Variants in FTO observed in about 807,000 individuals in gnomAD.
FTO encodes FTO alpha-ketoglutarate dependent dioxygenase.
FTO carries 47 observed loss-of-function variants against 63.9 expected under a neutral mutation model. That is an observed-to-expected ratio of 0.74 (90% CI 0.58 to 0.94). The LOEUF is 0.94. Ranked by LOEUF, FTO falls within the 40% of genes least tolerant of loss-of-function variation. The probability of loss-of-function intolerance (pLI) is 0.00; values close to 1 mark genes in which losing one functional copy is unlikely to be tolerated. For synonymous variants in FTO, 207 were observed against 224.4 expected (o/e 0.92, Z 0.69); for missense variants, 562 against 618.1 (o/e 0.91, Z 0.96).
At chr16:53,927,831 A>C (rs1481611763) in intron 7 of FTO, among the ~76,000 whole-genome samples, 1 of 152,216 alleles carries the variant, frequency 6.6e-6, no homozygotes, top group Non-Finnish European at 1.5e-5. Context: ...ATATGCAAAA[A>C]GATATGCCTC....
intron 7 of FTO, among the ~76,000 whole-genome samples, chr16:53,901,134 T>C (rs1206928789): frequency 6.6e-6 from 1 of 152,238 alleles, no homozygotes; most frequent in East Asian, 1.9e-4. Context: ...TCAAGACCTG[T>C]CTGCTTTGTG....
intron 1 of FTO, among the ~76,000 whole-genome samples, chr16:53,716,078 C>T (rs1247664708): frequency 2.0e-5 from 3 of 152,084 alleles, no homozygotes; most frequent in South Asian, 4.1e-4. Flanking sequence ...AGCATGGGCG[C>T]AATAGTAAAA....
Position 54,111,952 on chromosome 16 carries a change from T to C in FTO, c.*37T>C, listed in dbSNP as rs769772672. 1 of 1,612,674 alleles carries C rather than the reference T, an allele frequency of 6.2e-7. No homozygotes were observed. Among genetic ancestry groups the C allele is most frequent in the Non-Finnish European group, 8.5e-7 (1 of 1,179,166 alleles). ...GTCTCAGGCGGAGGAGAAAAAGAGA[T>C]CGGCTTTTCTCCTCCAACGTTGTCA... On this transcript the variant is annotated 3_prime_UTR_variant, in exon 9 of 9. Coordinates refer to ENST00000471389, the MANE Select transcript of FTO (RefSeq NM_001080432.3).
At chr16:53,856,311 G>T (rs532769610) in intron 4 of FTO, among the ~76,000 whole-genome samples, 1 of 151,490 alleles carries the variant, frequency 6.6e-6, no homozygotes, top group East Asian at 1.9e-4. Flanking sequence ...TATACCTCAT[G>T]CTGGAAGGTT....
chr16:53,724,177 G>A (rs981467027), intron 1 of FTO, among the ~76,000 whole-genome samples: 7 of 152,184 alleles, frequency 4.6e-5, no homozygotes, highest in African/African-American at 1.7e-4. Flanking sequence ...AGCCCAGTAG[G>A]AAGTTTGACA....
rs533815927 is a variant in FTO at position 53,748,548 on chromosome 16, A to G, written c.45+44319A>G. 3.9e-4 allele frequency among the ~76,000 whole-genome samples: 59 copies of G among 151,980 alleles called. No homozygotes were observed. The South Asian group carries it at 0.011, about 29-fold the overall frequency. On this transcript the variant is annotated intron_variant, in intron 1 of 8. Transcript: ENST00000471389. ...TGGCTCACTGCAGCTTCCACCTCCT[A>G]GGTTCAAGCAATTCTCGTGCCTCAG...
chr16:53,908,784 C>T (rs2081605235), intron 7 of FTO, among the ~76,000 whole-genome samples: 1 of 152,130 alleles, frequency 6.6e-6, no homozygotes, highest in Non-Finnish European at 1.5e-5. Context: ...GGTAGATCCC[C>T]CTTGGCCCAC....
intron 8 of FTO, among the ~76,000 whole-genome samples, chr16:54,009,653 G>A (rs1410871204): frequency 2.0e-5 from 3 of 152,094 alleles, no homozygotes; most frequent in Non-Finnish European, 2.9e-5. Context: ...GCCTCTGTCC[G>A]CCAGGCTTCC....
chr16:53,737,469 T>C (rs2076415813), intron 1 of FTO, among the ~76,000 whole-genome samples: 1 of 152,236 alleles, frequency 6.6e-6, no homozygotes, highest in South Asian at 2.1e-4. Flanking sequence ...TACATTACTG[T>C]ACTGAATACT....
chr16:53,943,157 C>A (rs535416458), intron 8 of FTO, among the ~76,000 whole-genome samples: 1 of 152,086 alleles, frequency 6.6e-6, no homozygotes, highest in African/African-American at 2.4e-5. Flanking sequence ...AAAACCTCCT[C>A]AAAAATGTGT....
intron 8 of FTO, among the ~76,000 whole-genome samples, chr16:54,003,778 C>A (rs1247291880): frequency 6.6e-6 from 1 of 151,888 alleles, no homozygotes. Context: ...GACAGCCTTG[C>A]TATTAAAAAA....
chr16:53,998,961 T>C (rs1479483890), intron 8 of FTO, among the ~76,000 whole-genome samples: 1 of 152,150 alleles, frequency 6.6e-6, no homozygotes, highest in Non-Finnish European at 1.5e-5. Flanking sequence ...CAAGAGTGGA[T>C]TATGTTAAGA....
intron 8 of FTO, among the ~76,000 whole-genome samples, chr16:54,089,883 A>G (rs2086340545): frequency 6.6e-6 from 1 of 152,100 alleles, no homozygotes; most frequent in Non-Finnish European, 1.5e-5. Flanking sequence ...AAAGAAAAGA[A>G]AATAACAAGG....
intron 3 of FTO, among the ~76,000 whole-genome samples, chr16:53,833,554 G>T (rs2079200252): frequency 6.6e-6 from 1 of 152,150 alleles, no homozygotes; most frequent in Non-Finnish European, 1.5e-5. Context: ...GTACTTTTGT[G>T]TGTATACTTT....
intron 2 of FTO, among the ~76,000 whole-genome samples, chr16:53,823,312 T>C (rs975131450): frequency 3.3e-5 from 5 of 152,216 alleles, no homozygotes; most frequent in African/African-American, 1.2e-4. Flanking sequence ...GGTTCTCCTT[T>C]GTTGAGGCTT....
intron 8 of FTO, among the ~76,000 whole-genome samples, chr16:54,078,372 T>C (rs1309017590): frequency 1.4e-5 from 2 of 147,758 alleles, no homozygotes; most frequent in Admixed American, 6.8e-5. Flanking sequence ...TCTAAATATA[T>C]ATTAGTAAAA....
intron 8 of FTO, among the ~76,000 whole-genome samples, chr16:54,033,296 A>G (rs1432584631): frequency 6.6e-6 from 1 of 152,158 alleles, no homozygotes; most frequent in East Asian, 1.9e-4. Context: ...CTTACATAAT[A>G]CTAGCAGAAT....
chr16:53,748,243 T>A (rs904929612), intron 1 of FTO, among the ~76,000 whole-genome samples: 5 of 152,122 alleles, frequency 3.3e-5, no homozygotes, highest in African/African-American at 9.7e-5. Flanking sequence ...AATGTGTAGA[T>A]TGCTTTGGGT....
intron 1 of FTO, among the ~76,000 whole-genome samples, chr16:53,744,599 C>T (rs1348872241): frequency 1.3e-5 from 2 of 152,190 alleles, no homozygotes; most frequent in Non-Finnish European, 2.9e-5. Flanking sequence ...CCCACAAGAT[C>T]TGCCTCCTAC....
Sources: gnomAD v4.1 joint callset for allele counts (sites outside exome capture counted in the v4.1 genomes callset) on GRCh38, gnomAD v4.1.1 for gene constraint, MANE v1.5 for transcripts, NCBI Gene and HGNC (gene_info 2026-07-23, HGNC 2026-07-21) for gene names.